SIRT1: variants seen among roughly 807,000 people sequenced by gnomAD.
SIRT1 encodes the protein sirtuin 1.
Under a neutral mutation model 67.9 loss-of-function variants are expected in SIRT1, and 24 were observed. That is an observed-to-expected ratio of 0.35 (90% confidence interval 0.26 to 0.50). The LOEUF is 0.50. SIRT1 is among the 20% of genes least tolerant of loss of function. The pLI is 0.98. For synonymous variants in SIRT1, 378 were observed against 350.7 expected (o/e 1.08, Z -0.87); for missense variants, 873 against 937.2 (o/e 0.93, Z 0.89).
chr10:67,887,420 A>C lies in SIRT1; in HGVS notation c.434A>C (p.Asn145Thr). 1 of 1,609,816 alleles carries C rather than the reference A, an allele frequency of 6.2e-7. No individual in the cohort carries two copies. The highest frequency in any genetic ancestry group is 1.3e-5 in the African/African-American group (1 of 74,910). Residue 145 changes from asparagine (N) to threonine (T), a missense_variant, in exon 2 of 9, where the codon AAC becomes ACC. Physicochemically the swap from Asn to Thr is moderately conservative, Grantham distance 65. Coordinates refer to ENST00000212015, the MANE Select transcript of SIRT1 (RefSeq NM_012238.5). ...ACTGACTTGGTTTCTTTTGCAGATA[A>C]CCTTCTGTTCGGTGATGAAATTATC... Reference protein sequence around the residue: ...AAAAAIGYRDNLLFGDEIITN... With the variant: ...AAAAAIGYRDTLLFGDEIITN...
At chr10:67,889,748 G>C (rs970062819) in intron 3 of SIRT1, among the ~76,000 whole-genome samples, 1 of 152,154 alleles carries the variant, frequency 6.6e-6, no homozygotes, top group African/African-American at 2.4e-5. Context: ...AGTTGCGAAA[G>C]GGTGTTACAT....
chr10:67,886,870 T>C (rs1006546974), intron 1 of SIRT1, among the ~76,000 whole-genome samples: 4 of 151,802 alleles, frequency 2.6e-5, no homozygotes, highest in African/African-American at 9.7e-5. Context: ...TTTTTTTTTT[T>C]CCTTTTCTTT....
At chr10:67,909,209 G>A in intron 6 of SIRT1, 47 bp from the exon 7 acceptor site, 1 of 1,330,260 alleles carries the variant, frequency 7.5e-7, no homozygotes, top group Non-Finnish European at 1.0e-6. Flanking sequence ...TCTAACTTGG[G>A]CTTACTCTTT....
intron 1 of SIRT1, among the ~76,000 whole-genome samples, chr10:67,886,095 A>G (rs1287276068): frequency 6.6e-6 from 1 of 151,518 alleles, no homozygotes; most frequent in African/African-American, 2.4e-5. Flanking sequence ...GACACCCGCC[A>G]CCACGCCCAG....
At chr10:67,902,437 T>A (rs1163738658) in intron 4 of SIRT1, among the ~76,000 whole-genome samples, 1 of 152,366 alleles carries the variant, frequency 6.6e-6, no homozygotes, top group South Asian at 2.1e-4. Context: ...ACTTGAACAT[T>A]ATATAAAATT....
At position 67,918,315 on chromosome 10, in the gene SIRT1, C is replaced by CA. The variant is rs1401195596; in HGVS notation, c.*1726dup. On this transcript the variant is annotated 3_prime_UTR_variant, in exon 9 of 9. Coordinates refer to ENST00000212015, the MANE Select transcript of SIRT1 (RefSeq NM_012238.5). The stretch of plus-strand genomic sequence containing the variant: ...ATATCTTCCTTCAACTTTTGAAATA[C>CA]AAAACCAGTGTTTTTTACTTGTACA... 6.6e-6 allele frequency: 1 copy of CA among 152,570 alleles called. No individual in the cohort carries two copies. Among genetic ancestry groups the CA allele is most frequent in the Non-Finnish European group, 1.5e-5 (1 of 68,012 alleles). 9.5% of individuals were successfully genotyped at this position (152,570 alleles called of 1,614,324 possible).
At chr10:67,914,879 A>ATT (rs11309410) in intron 8 of SIRT1, among the ~76,000 whole-genome samples, 2 of 120,364 alleles carry the variant, frequency 1.7e-5, no homozygotes, top group East Asian at 2.4e-4. Context: ...ATGCTCAGCT[A>ATT]TTTTTTTTTT....
chr10:67,911,053 T>C (rs1564893332), intron 7 of SIRT1, among the ~76,000 whole-genome samples: 1 of 152,230 alleles, frequency 6.6e-6, no homozygotes. Flanking sequence ...AACTCAGTCT[T>C]ACCTAATTAG....
At chr10:67,907,913 C>T in intron 5 of SIRT1, 133 bp from the exon 6 acceptor site, 1 of 667,030 alleles carries the variant, frequency 1.5e-6, no homozygotes, top group South Asian at 2.3e-5. Context: ...GGTTTAAAAT[C>T]AAAGTTAAAA....
At chr10:67,898,162 A>G (rs558265919) in intron 4 of SIRT1, among the ~76,000 whole-genome samples, 12 of 150,428 alleles carry the variant, frequency 8.0e-5, no homozygotes, top group African/African-American at 2.4e-4. Context: ...AGGAGGCTGA[A>G]GCAGGAGAAT....
chr10:67,895,640 C>T (rs1313456569), intron 4 of SIRT1, among the ~76,000 whole-genome samples: 3 of 145,704 alleles, frequency 2.1e-5, no homozygotes, highest in African/African-American at 7.7e-5. Context: ...TTAGATACTT[C>T]AGAAGGAAAG....
rs1842501250 is a variant in SIRT1 at position 67,887,431 on chromosome 10, G to C, written c.445G>C (p.Gly149Arg). The C allele has an allele frequency of 1.2e-6, 2 of 1,612,058 alleles. No homozygotes were observed. The highest frequency in any genetic ancestry group is 1.7e-6 in the Non-Finnish European group (2 of 1,178,496). Reference protein sequence around the residue: ...AIGYRDNLLFGDEIITNGFHS... With the variant: ...AIGYRDNLLFRDEIITNGFHS... ...TTCTTTTGCAGATAACCTTCTGTTC[G>C]GTGATGAAATTATCACTAATGGTTT... is the stretch of plus-strand genomic sequence containing the variant. The change falls in exon 2 of 9, where the codon GGT becomes CGT. Residue 149 changes from glycine to arginine, a missense_variant. Physicochemically the swap from Gly to Arg is moderately radical, Grantham distance 125. Transcript: ENST00000212015.
chr10:67,904,060 GTA>G (rs1399795815), intron 4 of SIRT1, among the ~76,000 whole-genome samples: 9 of 151,182 alleles, frequency 6.0e-5, no homozygotes, highest in Admixed American at 1.3e-4. Flanking sequence ...AGGAGGAGTG[GTA>G]TATTAGAACA....
At chr10:67,913,838 A>G (rs1230675446) in intron 8 of SIRT1, among the ~76,000 whole-genome samples, 1 of 152,174 alleles carries the variant, frequency 6.6e-6, no homozygotes, top group African/African-American at 2.4e-5. Context: ...AGACAACTGT[A>G]TTTGAGTATT....
chr10:67,904,123 G>GTTTTTTTTTTTTTTTTT (rs1262495636), intron 4 of SIRT1, among the ~76,000 whole-genome samples: 2 of 115,434 alleles, frequency 1.7e-5, no homozygotes, highest in African/African-American at 3.6e-5. Flanking sequence ...AGTTTTTTTT[G>GTTTTTTTTTTTTTTTTT]TTTGTTTTTT....
In SIRT1 at chr10:67,885,156, GC is replaced by G; in HGVS notation, c.430+6del. On this transcript the variant is annotated splice_donor_region_variant and intron_variant, in intron 1 of 8. Transcript: ENST00000212015. Reference sequence around the variant, plus strand: ...CGGCGGCGATTGGGTACCGAGGTGCGCAGGGTGCGGGCGGCCGGAACTGCGC... The same window carrying G: ...CGGCGGCGATTGGGTACCGAGGTGCGAGGGTGCGGGCGGCCGGAACTGCGC... The G allele has an allele frequency of 7.2e-7, 1 of 1,389,912 alleles. No individual in the cohort carries two copies. The allele number at this position is 1,389,912 out of a possible 1,614,324, so 86.1% of individuals were successfully genotyped here.
chr10:67,903,881 A>T (rs1406864545), intron 4 of SIRT1, among the ~76,000 whole-genome samples: 3 of 152,182 alleles, frequency 2.0e-5, no homozygotes, highest in Non-Finnish European at 1.5e-5. Context: ...AGAATGGCCC[A>T]GCCCTCATGA....
intron 4 of SIRT1, among the ~76,000 whole-genome samples, chr10:67,901,094 G>A (rs1448257943): frequency 6.6e-6 from 1 of 152,160 alleles, no homozygotes; most frequent in African/African-American, 2.4e-5. Context: ...TAGAAAACTT[G>A]AGGGTGAAGG....
At chr10:67,912,132 C>G (rs143237894) in intron 7 of SIRT1, among the ~76,000 whole-genome samples, 46 of 152,274 alleles carry the variant, frequency 3.0e-4, no homozygotes, top group East Asian at 2.7e-3. Flanking sequence ...GTGCACTTGA[C>G]TAACTCATTT....
Sources: allele counts gnomAD v4.1 joint callset (sites outside exome capture counted in the v4.1 genomes callset), GRCh38; gene constraint gnomAD v4.1.1; transcripts MANE v1.5; gene names NCBI Gene and HGNC (gene_info 2026-07-23, HGNC 2026-07-21).